USP24: variants seen among roughly 807,000 people sequenced by gnomAD.
USP24 encodes the protein ubiquitin specific peptidase 24.
Under a neutral mutation model 361.6 loss-of-function variants are expected in USP24, and 97 were observed. The observed-to-expected ratio is 0.27, with a 90% CI of 0.23 to 0.32. The LOEUF (loss-of-function observed/expected upper bound fraction) is 0.32, where lower values mean the gene tolerates loss of function less well. Ranked by LOEUF, USP24 falls within the 10% of genes least tolerant of loss-of-function variation. The pLI is 1.00. For missense variants in USP24, 2,353 were observed against 3,165.6 expected (o/e 0.74, Z 6.16); for synonymous variants, 1,098 against 1,124.6 (o/e 0.98, Z 0.47).
intron 52 of USP24, chr1:55,093,409 T>C (rs1006875720): frequency 6.4e-6 from 1 of 155,998 alleles, no homozygotes; most frequent in African/African-American, 2.4e-5. Flanking sequence ...CCTGTGACAC[T>C]GGCACATACT....
chr1:55,212,656 C>T (rs918212422), intron 1 of USP24, among the ~76,000 whole-genome samples: 1 of 152,132 alleles, frequency 6.6e-6, no homozygotes, highest in Admixed American at 6.5e-5. Flanking sequence ...CACAGAGGCA[C>T]ATTCTGCGTT....
intron 1 of USP24, among the ~76,000 whole-genome samples, chr1:55,179,094 G>A (rs1650306424): frequency 6.6e-6 from 1 of 151,996 alleles, no homozygotes; most frequent in African/African-American, 2.4e-5. Flanking sequence ...CTCCAAAATG[G>A]CTACTGTTAA....
chr1:55,187,806 A>G (rs1644174681), intron 1 of USP24, among the ~76,000 whole-genome samples: 1 of 152,226 alleles, frequency 6.6e-6, no homozygotes, highest in Non-Finnish European at 1.5e-5. Context: ...AAGACATCCT[A>G]TGTTCATAGA....
intron 24 of USP24, 119 bp downstream of exon 24, chr1:55,141,497 T>A: frequency 1.1e-6 from 1 of 909,308 alleles, no homozygotes; most frequent in Non-Finnish European, 1.7e-6. Context: ...TATGACAGCT[T>A]GCAAAAATTA....
At chr1:55,070,772 G>T (rs1644905795) in intron 67 of USP24, among the ~76,000 whole-genome samples, 1 of 152,166 alleles carries the variant, frequency 6.6e-6, no homozygotes, top group Non-Finnish European at 1.5e-5. Flanking sequence ...GCTGGGAAGG[G>T]TCTGGCAGGG....
chr1:55,174,247 T>C (rs961758474), intron 3 of USP24, among the ~76,000 whole-genome samples: 26 of 151,856 alleles, frequency 1.7e-4, no homozygotes, highest in South Asian at 2.1e-4. Flanking sequence ...GCCTGGGGAA[T>C]TGGGGAGAGG....
At chr1:55,140,856 T>G (rs996846701) in intron 24 of USP24, among the ~76,000 whole-genome samples, 6 of 152,192 alleles carry the variant, frequency 3.9e-5, no homozygotes, top group African/African-American at 1.2e-4. Flanking sequence ...TACTTCCATC[T>G]AATGTTCCAA....
chr1:55,206,438 G>A (rs1231451990), intron 1 of USP24, among the ~76,000 whole-genome samples: 4 of 152,144 alleles, frequency 2.6e-5, no homozygotes, highest in African/African-American at 9.7e-5. Flanking sequence ...GTAGGAATAA[G>A]AATGGGAAAA....
At chr1:55,122,397 A>G (rs967941892) in intron 36 of USP24, among the ~76,000 whole-genome samples, 12 of 152,168 alleles carry the variant, frequency 7.9e-5, no homozygotes, top group Admixed American at 1.3e-4. Context: ...AAGGCACAGG[A>G]GTATCAAGTG....
intron 8 of USP24, 61 bp from the exon 9 acceptor site, chr1:55,159,746 A>G: frequency 7.2e-7 from 1 of 1,396,944 alleles, no homozygotes; most frequent in East Asian, 2.5e-5. Flanking sequence ...TAGAGAGAGA[A>G]TACTTCTTCA....
intron 58 of USP24, among the ~76,000 whole-genome samples, chr1:55,082,344 C>T (rs904812580): frequency 1.3e-5 from 2 of 152,124 alleles, no homozygotes; most frequent in South Asian, 2.1e-4. Context: ...AAGTATACCA[C>T]AATAAAGTGA....
intron 1 of USP24, among the ~76,000 whole-genome samples, chr1:55,201,600 CAAAAAAAAAAAAAAAA>C (rs56659823): frequency 5.6e-5 from 2 of 35,448 alleles, no homozygotes; most frequent in Non-Finnish European, 4.4e-5. Flanking sequence ...GACTCCATCT[CAAAAAAAAAAAAAAAA>C]AAAAAAAAAA....
At position 55,073,783 on chromosome 1, in the gene USP24, T is replaced by C. The variant is rs1388916094; in HGVS notation, c.7526+45A>G. 3 of 1,514,444 alleles carry C rather than the reference T, an allele frequency of 2.0e-6. No homozygotes were observed. The African/African-American group carries it at 4.1e-5, about 21-fold the overall frequency. 93.8% of individuals were successfully genotyped at this position (1,514,444 alleles called of 1,614,324 possible). The stretch of plus-strand genomic sequence containing the variant: ...TCCCCTTCTGCTCATATGTGACTTG[T>C]AATTAAAACACCATTTCCTCCCTGC... On this transcript the variant is annotated intron_variant, in intron 64 of 67. Transcript: ENST00000294383.
chr1:55,176,495 A>C (rs1038468523), intron 2 of USP24, 52 bp from the exon 3 acceptor site: 2 of 1,490,612 alleles, frequency 1.3e-6, no homozygotes, highest in African/African-American at 2.8e-5. Flanking sequence ...ACTCAGAAAG[A>C]CCTTAGTAAA....
Position 55,148,561 on chromosome 1 carries a change from G to A in USP24, c.1870C>T (p.Leu624Phe). ...NKKDGFKSSQ[L>F]NNPQFVWVVP... ...ACCCATACAAACTGGGGATTATTAA[G>A]CTGAGATGACTAGAGTTAAAAAGAA... is the stretch of plus-strand genomic sequence containing the variant. Residue 624 changes from leucine (L) to phenylalanine (F), a missense_variant, in exon 17 of 68, where the codon CTT (leucine) becomes TTT (phenylalanine). Leu to Phe is a conservative substitution (Grantham distance 22, BLOSUM62 0). Coordinates refer to ENST00000294383, the MANE Select transcript of USP24 (RefSeq NM_015306.3). 6.3e-7 allele frequency: 1 copy of A among 1,580,430 alleles called. No homozygotes were observed. The highest frequency in any genetic ancestry group is 1.3e-5 in the African/African-American group (1 of 74,254).
chr1:55,188,400 G>A (rs1428266395), intron 1 of USP24, among the ~76,000 whole-genome samples: 2 of 151,448 alleles, frequency 1.3e-5, no homozygotes, highest in Non-Finnish European at 2.9e-5. Flanking sequence ...CATTAAGAAA[G>A]TGAAAAAAAG....
chr1:55,096,818 G>T, intron 49 of USP24, 134 bp downstream of exon 49: 1 of 1,349,436 alleles, frequency 7.4e-7, no homozygotes, highest in Non-Finnish European at 1.0e-6. Flanking sequence ...GTTGCACGAA[G>T]CTTTAAAACT....
chr1:55,109,676 T>C (rs182334144), intron 39 of USP24, among the ~76,000 whole-genome samples: 337 of 152,312 alleles, frequency 2.2e-3, no homozygotes, highest in African/African-American at 7.8e-3. Context: ...ACTCATGATC[T>C]GAACTAAAAT....
intron 67 of USP24, chr1:55,071,089 C>T: frequency 1.0e-6 from 1 of 961,812 alleles, no homozygotes; most frequent in South Asian, 4.8e-5. Flanking sequence ...AGCTGCCTCA[C>T]ATAGTGCTTA....
Sources: allele counts gnomAD v4.1 joint callset (sites outside exome capture counted in the v4.1 genomes callset), GRCh38; gene constraint gnomAD v4.1.1; transcripts MANE v1.5; gene names NCBI Gene and HGNC (gene_info 2026-07-23, HGNC 2026-07-21).